The following PARD6G variants were observed in gnomAD, a reference collection of about 807,000 sequenced individuals.
The protein encoded by PARD6G is partitioning defective 6 homolog gamma.
A neutral mutation model predicts 10.7 loss-of-function variants in PARD6G; 7 were observed. The ratio of observed to expected loss-of-function variants is 0.66; its 90% CI spans 0.37 to 1.23. The LOEUF (loss-of-function observed/expected upper bound fraction) is 1.23. Among genes scored for constraint, PARD6G ranks in the 50% most tolerant of loss-of-function variants. The pLI, the probability that PARD6G is intolerant of heterozygous loss-of-function variation, is 0.02. For missense variants in PARD6G, 548 were observed against 571.8 expected (o/e 0.96, Z 0.42); for synonymous variants, 287 against 269.4 (o/e 1.07, Z -0.64).
chr18:80,187,657 G>T, intron 2 of PARD6G: 1 of 152,430 alleles, frequency 6.6e-6, no homozygotes, highest in Non-Finnish European at 1.5e-5. Context: ...ACCTACTATG[G>T]GAGCGGCACC....
chr18:80,207,901 G>A (rs568736758), intron 1 of PARD6G, among the ~76,000 whole-genome samples: 3 of 152,194 alleles, frequency 2.0e-5, no homozygotes, highest in Admixed American at 2.0e-4. Context: ...GGGAGTAATG[G>A]GAAGAAGAAA....
chr18:80,241,839 T>C (rs1337841292), intron 1 of PARD6G, among the ~76,000 whole-genome samples: 2 of 152,164 alleles, frequency 1.3e-5, no homozygotes, highest in African/African-American at 4.8e-5. Flanking sequence ...CCAGGCTCCC[T>C]TCTTGCTGCC....
chr18:80,164,475 T>G (rs2052722106), intron 2 of PARD6G, among the ~76,000 whole-genome samples: 2 of 152,202 alleles, frequency 1.3e-5, no homozygotes, highest in Non-Finnish European at 2.9e-5. Context: ...TCCACACTGC[T>G]CTTCACGTCA....
intron 1 of PARD6G, among the ~76,000 whole-genome samples, chr18:80,216,078 T>C (rs1339960592): frequency 1.3e-5 from 2 of 152,202 alleles, no homozygotes; most frequent in African/African-American, 4.8e-5. Flanking sequence ...TATAAACATA[T>C]ATACATGTGA....
chr18:80,232,810 G>A (rs1053013379), intron 1 of PARD6G, among the ~76,000 whole-genome samples: 2 of 152,194 alleles, frequency 1.3e-5, no homozygotes, highest in African/African-American at 2.4e-5. Flanking sequence ...CTGAGGAGAG[G>A]GTCTAAGATG....
chr18:80,205,437 A>G (rs1015258063), intron 1 of PARD6G, among the ~76,000 whole-genome samples: 3 of 152,100 alleles, frequency 2.0e-5, no homozygotes, highest in Non-Finnish European at 4.4e-5. Context: ...CCCAGGTCTC[A>G]TGGTGAATTG....
chr18:80,223,224 T>C (rs1599871906), intron 1 of PARD6G, among the ~76,000 whole-genome samples: 1 of 152,054 alleles, frequency 6.6e-6, no homozygotes, highest in Non-Finnish European at 1.5e-5. Context: ...TTCTTAAATA[T>C]GATGCCAAAA....
chr18:80,232,932 G>A (rs1967376934), intron 1 of PARD6G, among the ~76,000 whole-genome samples: 1 of 152,168 alleles, frequency 6.6e-6, no homozygotes, highest in African/African-American at 2.4e-5. Context: ...AGGTGAGTGT[G>A]GGCTCACAGG....
At chr18:80,214,822 C>A (rs537640394) in intron 1 of PARD6G, among the ~76,000 whole-genome samples, 75 of 152,164 alleles carry the variant, frequency 4.9e-4, no homozygotes, top group African/African-American at 1.7e-3. Context: ...TTCCATTAAA[C>A]TTTTCATTTG....
intron 1 of PARD6G, among the ~76,000 whole-genome samples, chr18:80,204,969 T>C (rs982447917): frequency 6.6e-5 from 10 of 152,034 alleles, no homozygotes; most frequent in Admixed American, 2.0e-4. Context: ...ATAATAATAA[T>C]AACAATAGTT....
At position 80,160,645 on chromosome 18, in the gene PARD6G, A is replaced by T. The variant is rs752242104; in HGVS notation, c.296-39T>A. On this transcript the variant is annotated intron_variant, in intron 2 of 2. Coordinates refer to ENST00000353265, the MANE Select transcript of PARD6G (RefSeq NM_032510.4). Reference sequence around the variant, plus strand: ...GACAGTTAGAGGGGACACACAACCGAGCCCCGCCTGAGCCCTCGGCCGTCA... The same window carrying T: ...GACAGTTAGAGGGGACACACAACCGTGCCCCGCCTGAGCCCTCGGCCGTCA... The T allele has an allele frequency of 3.2e-4, 456 of 1,428,502 alleles. 2 individuals are homozygous for T. Among genetic ancestry groups the T allele is most frequent in the Non-Finnish European group, 3.2e-5 (35 of 1,097,666 alleles). 88.5% of individuals were successfully genotyped at this position (1,428,502 alleles called of 1,614,324 possible).
chr18:80,232,216 G>T (rs776542082), intron 1 of PARD6G, among the ~76,000 whole-genome samples: 21 of 151,256 alleles, frequency 1.4e-4, no homozygotes, highest in Non-Finnish European at 2.8e-4. Flanking sequence ...CTGCTAGGTG[G>T]TGTCCACACC....
intron 1 of PARD6G, among the ~76,000 whole-genome samples, chr18:80,227,426 A>G (rs1454445932): frequency 6.6e-6 from 1 of 152,212 alleles, no homozygotes; most frequent in Non-Finnish European, 1.5e-5. Context: ...ATTTGCCATA[A>G]TCTTCCCCCA....
intron 2 of PARD6G, among the ~76,000 whole-genome samples, chr18:80,167,276 A>C (rs1026678388): frequency 6.1e-5 from 9 of 147,008 alleles, no homozygotes; most frequent in African/African-American, 2.0e-4. Context: ...GACGTGTTGC[A>C]GGATAACACA....
intron 2 of PARD6G, among the ~76,000 whole-genome samples, chr18:80,186,614 A>G (rs1465332167): frequency 6.6e-6 from 1 of 151,988 alleles, no homozygotes. Flanking sequence ...CCCTGTGCAC[A>G]CGTGCACTCA....
At chr18:80,166,776 A>T (rs1373277270) in intron 2 of PARD6G, among the ~76,000 whole-genome samples, 1 of 151,554 alleles carries the variant, frequency 6.6e-6, no homozygotes, top group African/African-American at 2.4e-5. Flanking sequence ...CCTGCAGACC[A>T]GGAAGGTCTG....
chr18:80,221,565 A>G (rs995691284), intron 1 of PARD6G, among the ~76,000 whole-genome samples: 4 of 152,242 alleles, frequency 2.6e-5, no homozygotes, highest in African/African-American at 9.6e-5. Flanking sequence ...CATCCTACAT[A>G]GAGAATATCT....
At chr18:80,212,053 A>T (rs536834108) in intron 1 of PARD6G, among the ~76,000 whole-genome samples, 6 of 151,770 alleles carry the variant, frequency 4.0e-5, no homozygotes, top group East Asian at 1.9e-4. Flanking sequence ...CAATACTGAT[A>T]AAAAAAAATC....
chr18:80,178,371 C>G (rs987942356), intron 2 of PARD6G: 1 of 152,674 alleles, frequency 6.5e-6, no homozygotes, highest in African/African-American at 2.4e-5. Context: ...GGGAACCCCA[C>G]TCCTTCACCA....
Sources: gnomAD v4.1 joint callset for allele counts (sites outside exome capture counted in the v4.1 genomes callset) on GRCh38, gnomAD v4.1.1 for gene constraint, MANE v1.5 for transcripts, NCBI Gene and HGNC (gene_info 2026-07-23, HGNC 2026-07-21) for gene names.